KALRN: variants seen among roughly 807,000 people sequenced by gnomAD.
KALRN encodes kalirin RhoGEF kinase, also known as kalirin.
KALRN carries 70 observed loss-of-function variants against 353.7 expected under a neutral mutation model. The ratio of observed to expected loss-of-function variants is 0.20; its 90% confidence interval spans 0.16 to 0.24. The LOEUF (loss-of-function observed/expected upper bound fraction) is 0.24, where lower values mean the gene tolerates loss of function less well. Among genes scored for constraint, KALRN ranks in the 10% least tolerant of loss-of-function variants. KALRN has a pLI of 1.00. For missense variants in KALRN, 2,791 were observed against 3,756.7 expected, an observed-to-expected ratio of 0.74 and a Z score of 6.72; for synonymous variants, 1,391 against 1,434.8, an observed-to-expected ratio of 0.97 and a Z score of 0.69.
At position 124,215,305 on chromosome 3, in the gene KALRN, A is replaced by G. The variant is rs544259944; in HGVS notation, c.74-12685A>G. Among the ~76,000 whole-genome samples the G allele has an allele frequency of 5.3e-5, 8 of 152,328 alleles. No individual in the cohort carries two copies. In the South Asian group the frequency reaches 1.7e-3, roughly 32 times the overall value. ...CCAGATTGGGTAGCAGAGGGAAACA[A>G]TAAAAATTCAGAGGACCCACACAGA... On this transcript the variant is annotated intron_variant, in intron 1 of 59. Coordinates refer to ENST00000682506, the MANE Select transcript of KALRN (RefSeq NM_001388419.1).
At chr3:124,614,764 G>T (rs1489691279) in intron 34 of KALRN, among the ~76,000 whole-genome samples, 1 of 152,026 alleles carries the variant, frequency 6.6e-6, no homozygotes. Flanking sequence ...TAGGGACAGG[G>T]TCTCACTATG....
Position 124,619,126 on chromosome 3 carries a change from CT to C in KALRN, c.5183-13279del, listed in dbSNP as rs11455473. On this transcript the variant is annotated intron_variant, in intron 34 of 59. Transcript: ENST00000682506. ...TTATTTTCCATCACTGTATATTTGACTTTTTTTTTTTTTTTAAGATTCCACA... is the reference window on the plus strand; with the variant it reads ...TTATTTTCCATCACTGTATATTTGACTTTTTTTTTTTTTTAAGATTCCACA... 1.1e-3 allele frequency among the ~76,000 whole-genome samples: 162 copies of C among 146,716 alleles called. 1 individual carries two copies. The highest frequency in any genetic ancestry group is 1.6e-3 in the Admixed American group (24 of 14,794).
In KALRN at chr3:124,725,200, C is replaced by T. The variant is rs558201059; in HGVS notation, c.*5730C>T. On this transcript the variant is annotated 3_prime_UTR_variant, in exon 60 of 60. Transcript: ENST00000682506. Reference sequence around the variant, plus strand: ...GAGACTGTTACTATGACCTCAAAGACTGTGGCTACGAATCTGAAGTTAACA... The same window carrying T: ...GAGACTGTTACTATGACCTCAAAGATTGTGGCTACGAATCTGAAGTTAACA... The T allele has an allele frequency of 6.6e-6, 1 of 152,306 alleles. No individual in the cohort carries two copies. Among genetic ancestry groups the T allele is most frequent in the South Asian group, 2.1e-4 (1 of 4,820 alleles). The allele number at this position is 152,306 out of a possible 1,614,324, so 9.4% of individuals were successfully genotyped here.
intron 54 of KALRN, 121 bp from the exon 55 acceptor site, chr3:124,697,472 A>G: frequency 1.1e-6 from 1 of 944,728 alleles, no homozygotes; most frequent in Non-Finnish European, 1.5e-6. Context: ...CACTTGGTGG[A>G]GAAGGTCACA....
At chr3:124,261,708 G>T (rs1044500793) in intron 3 of KALRN, among the ~76,000 whole-genome samples, 5 of 152,314 alleles carry the variant, frequency 3.3e-5, no homozygotes, top group Non-Finnish European at 5.9e-5. Flanking sequence ...TAGGGACAAA[G>T]AATTCTCAGG....
intron 56 of KALRN, 112 bp downstream of exon 56, chr3:124,700,145 T>C (rs1256821375): frequency 3.1e-6 from 3 of 955,928 alleles, no homozygotes; most frequent in African/African-American, 3.2e-5. Context: ...AGAGGCACCT[T>C]TTAGAGGACT....
intron 33 of KALRN, among the ~76,000 whole-genome samples, chr3:124,558,555 A>T (rs1321772824): frequency 6.6e-6 from 1 of 152,278 alleles, no homozygotes; most frequent in African/African-American, 2.4e-5. Flanking sequence ...CTGGGATTAC[A>T]GTCACGAGCC....
At chr3:124,234,098 CT>C (rs1376120292) in intron 2 of KALRN, among the ~76,000 whole-genome samples, 8 of 152,186 alleles carry the variant, frequency 5.3e-5, no homozygotes, top group African/African-American at 1.7e-4. Context: ...TTTTGGTATA[CT>C]CCTTCCAGTT....
At chr3:124,525,968 T>G (rs2067557274) in intron 33 of KALRN, among the ~76,000 whole-genome samples, 1 of 152,022 alleles carries the variant, frequency 6.6e-6, no homozygotes, top group African/African-American at 2.4e-5. Context: ...GATTGATTGG[T>G]TGGTGTTGTA....
chr3:124,604,168 T>A (rs1453253981), intron 34 of KALRN, among the ~76,000 whole-genome samples: 1 of 152,200 alleles, frequency 6.6e-6, no homozygotes, highest in Non-Finnish European at 1.5e-5. Flanking sequence ...TTTATTATTA[T>A]ACTTTAAGTT....
At chr3:124,386,513 C>T (rs78561800) in intron 11 of KALRN, among the ~76,000 whole-genome samples, 55 of 152,204 alleles carry the variant, frequency 3.6e-4, no homozygotes, top group African/African-American at 1.3e-3. Context: ...CTCCCACCTG[C>T]TATACACAGA....
intron 1 of KALRN, among the ~76,000 whole-genome samples, chr3:124,083,290 G>A (rs948322571): frequency 6.6e-4 from 100 of 152,266 alleles, no homozygotes; most frequent in African/African-American, 2.2e-3. Context: ...ATGATAATAT[G>A]GGGACATTAA....
chr3:124,509,137 C>T (rs1286797360), intron 33 of KALRN, among the ~76,000 whole-genome samples: 1 of 152,180 alleles, frequency 6.6e-6, no homozygotes, highest in East Asian at 1.9e-4. Flanking sequence ...AACACATACA[C>T]TTTGATATTC....
intron 17 of KALRN, 118 bp downstream of exon 17, chr3:124,434,643 A>G (rs894579251): frequency 4.9e-6 from 4 of 823,032 alleles, no homozygotes; most frequent in Admixed American, 4.9e-5. Context: ...CAGTACTAAC[A>G]TTTGAAGAAT....
intron 33 of KALRN, among the ~76,000 whole-genome samples, chr3:124,506,195 A>C (rs2065203873): frequency 6.6e-6 from 1 of 152,218 alleles, no homozygotes; most frequent in Non-Finnish European, 1.5e-5. Context: ...CAGGCTTGAG[A>C]GCTCTTCTTT....
chr3:124,597,051 AAAAAAC>A (rs1044259362), intron 34 of KALRN, among the ~76,000 whole-genome samples: 3 of 142,296 alleles, frequency 2.1e-5, no homozygotes, highest in Admixed American at 7.0e-5. Flanking sequence ...CTGTCTTAAA[AAAAAAC>A]AAAAACAAAA....
intron 33 of KALRN, among the ~76,000 whole-genome samples, chr3:124,540,164 G>T (rs886869909): frequency 6.6e-6 from 1 of 152,022 alleles, no homozygotes; most frequent in Non-Finnish European, 1.5e-5. Context: ...CAAGCATTCC[G>T]CCCACCTTGG....
At chr3:124,290,211 A>G (rs2076304108) in intron 5 of KALRN, among the ~76,000 whole-genome samples, 1 of 152,194 alleles carries the variant, frequency 6.6e-6, no homozygotes. Flanking sequence ...GAAAGCAGGA[A>G]GAGACACTCA....
At chr3:124,241,903 G>A (rs978110729) in intron 3 of KALRN, among the ~76,000 whole-genome samples, 7 of 152,204 alleles carry the variant, frequency 4.6e-5, no homozygotes, top group African/African-American at 9.6e-5. Context: ...CAGAGGGAAG[G>A]GCTCAAAGGA....
Sources: allele counts gnomAD v4.1 joint callset (sites outside exome capture counted in the v4.1 genomes callset), GRCh38; gene constraint gnomAD v4.1.1; transcripts MANE v1.5; gene names NCBI Gene and HGNC (gene_info 2026-07-23, HGNC 2026-07-21).